Variants in CEP63 observed in about 807,000 individuals in gnomAD.
CEP63 encodes the protein centrosomal protein of 63 kDa.
In CEP63, 84 loss-of-function variants were observed where a neutral mutation model predicts 89.1. The ratio of observed to expected loss-of-function variants is 0.94; its 90% confidence interval spans 0.79 to 1.13. The LOEUF is 1.13. Among genes scored for constraint, CEP63 ranks in the 50% most tolerant of loss-of-function variants. The probability of loss-of-function intolerance (pLI) is 0.00; values close to 1 mark genes in which losing one functional copy is unlikely to be tolerated. For missense variants in CEP63, 838 were observed against 813.3 expected (o/e 1.03, Z -0.37); for synonymous variants, 267 against 272.5 (o/e 0.98, Z 0.20).
chr3:134,618,432 GT>G, the CEP63 span, among the ~76,000 whole-genome samples: 1 of 152,180 alleles, frequency 6.6e-6, no homozygotes, highest in East Asian at 1.9e-4. Context: ...CTGGGGAGGG[GT>G]TCTTTGATGG....
chr3:134,499,306 GT>G (rs2108191902), intron 2 of CEP63, among the ~76,000 whole-genome samples: 1 of 152,212 alleles, frequency 6.6e-6, no homozygotes, highest in South Asian at 2.1e-4. Context: ...TTAGCATATA[GT>G]TGTTTGTAAT....
At chr3:134,649,886 T>C in the CEP63 span, among the ~76,000 whole-genome samples, 6 of 152,104 alleles carry the variant, frequency 3.9e-5, no homozygotes, top group Non-Finnish European at 5.9e-5. Flanking sequence ...TCCAAGGAGC[T>C]CCAGAGCTGG....
intron 12 of CEP63, among the ~76,000 whole-genome samples, chr3:134,555,837 C>G (rs2110024715): frequency 6.6e-6 from 1 of 152,190 alleles, no homozygotes; most frequent in South Asian, 2.1e-4. Context: ...GCAAAAAGAA[C>G]AAAGCTGGAG....
At chr3:134,764,991 G>T in the CEP63 span, among the ~76,000 whole-genome samples, 1 of 152,116 alleles carries the variant, frequency 6.6e-6, no homozygotes, top group Non-Finnish European at 1.5e-5. Context: ...TGACAGTACA[G>T]TGGTTCTCAA....
At chr3:134,675,355 T>A in the CEP63 span, among the ~76,000 whole-genome samples, 1 of 152,240 alleles carries the variant, frequency 6.6e-6, no homozygotes, top group Non-Finnish European at 1.5e-5. Flanking sequence ...GTTGAACAAC[T>A]GTCTCATACC....
the CEP63 span, chr3:134,650,755 C>T: frequency 8.7e-6 from 12 of 1,383,692 alleles, no homozygotes; most frequent in Non-Finnish European, 1.1e-5. Flanking sequence ...CGCCCCCCGG[C>T]GGGCAGGCCC....
At chr3:134,703,920 A>G in the CEP63 span, among the ~76,000 whole-genome samples, 1 of 152,224 alleles carries the variant, frequency 6.6e-6, no homozygotes, top group Non-Finnish European at 1.5e-5. Flanking sequence ...TCTCTCTTAG[A>G]TAAAGCTGGT....
At chr3:134,566,255 C>T (rs986805493), downstream of CEP63, among the ~76,000 whole-genome samples, 11 of 151,804 alleles carry the variant, frequency 7.2e-5, no homozygotes, top group South Asian at 4.1e-4. Flanking sequence ...ACAAAAAGAA[C>T]GTAAGGCAGT....
intron 14 of CEP63, among the ~76,000 whole-genome samples, chr3:134,559,954 C>T (rs1035011516): frequency 6.6e-6 from 1 of 152,218 alleles, no homozygotes; most frequent in Non-Finnish European, 1.5e-5. Flanking sequence ...GCTGCACCAT[C>T]TTTTTGCCTT....
intron 12 of CEP63, chr3:134,553,079 C>T (rs891503773): frequency 6.6e-6 from 1 of 152,074 alleles, no homozygotes; most frequent in Admixed American, 6.6e-5. Context: ...TGGTGTAGGT[C>T]AGATGTCTGA....
At chr3:134,708,470 A>G in the CEP63 span, among the ~76,000 whole-genome samples, 1 of 152,226 alleles carries the variant, frequency 6.6e-6, no homozygotes, top group Non-Finnish European at 1.5e-5. Context: ...AGGCCTCTCC[A>G]GGCTTGGAGT....
the CEP63 span, chr3:134,643,419 G>A: frequency 6.4e-7 from 1 of 1,571,978 alleles, no homozygotes; most frequent in African/African-American, 1.4e-5. Flanking sequence ...GACCACTGGG[G>A]AATTTTCCCC....
At chr3:134,599,829 T>C in the CEP63 span, among the ~76,000 whole-genome samples, 1 of 152,260 alleles carries the variant, frequency 6.6e-6, no homozygotes, top group African/African-American at 2.4e-5. Flanking sequence ...GATTTTTTTC[T>C]AGGGCTTCCT....
intron 12 of CEP63, 52 bp from the exon 13 acceptor site, chr3:134,558,090 A>T: frequency 6.9e-7 from 1 of 1,447,004 alleles, no homozygotes; most frequent in South Asian, 1.2e-5. Context: ...AGTATCACAG[A>T]TCACAGGTAT....
intron 3 of CEP63, among the ~76,000 whole-genome samples, chr3:134,520,159 A>G (rs1391803677): frequency 6.6e-6 from 1 of 152,216 alleles, no homozygotes; most frequent in Non-Finnish European, 1.5e-5. Context: ...TAATTAGCAC[A>G]TGCTTTGTTG....
chr3:134,689,331 T>A, the CEP63 span, among the ~76,000 whole-genome samples: 1 of 152,012 alleles, frequency 6.6e-6, no homozygotes, highest in Admixed American at 6.6e-5. Context: ...TGTCAGCAGG[T>A]AGCAAGATGA....
the CEP63 span, among the ~76,000 whole-genome samples, chr3:134,685,407 C>T: frequency 6.6e-6 from 1 of 152,098 alleles, no homozygotes; most frequent in Non-Finnish European, 1.5e-5. Flanking sequence ...CCATCTCACC[C>T]CTTGTATGGG....
chr3:134,495,862 G>C (rs1199176330), intron 2 of CEP63, among the ~76,000 whole-genome samples: 1 of 152,076 alleles, frequency 6.6e-6, no homozygotes, highest in Non-Finnish European at 1.5e-5. Flanking sequence ...TTCACTTAAC[G>C]ACCACCAGTT....
chr3:134,492,017 C>T (rs1344744759), intron 1 of CEP63, among the ~76,000 whole-genome samples: 1 of 148,578 alleles, frequency 6.7e-6, no homozygotes, highest in Non-Finnish European at 1.5e-5. Flanking sequence ...CTCATAAAGT[C>T]TATGTTAATG....
Sources: allele counts gnomAD v4.1 joint callset (sites outside exome capture counted in the v4.1 genomes callset), GRCh38; gene constraint gnomAD v4.1.1; transcripts MANE v1.5; gene names NCBI Gene and HGNC (gene_info 2026-07-23, HGNC 2026-07-21).